Variants in ARHGAP25 observed in about 807,000 individuals in gnomAD.
ARHGAP25 encodes the protein Rho GTPase activating protein 25.
ARHGAP25 carries 34 observed loss-of-function variants against 71.0 expected under a neutral mutation model. That is an observed-to-expected ratio of 0.48 (90% CI 0.36 to 0.64). ARHGAP25 has a LOEUF of 0.64. ARHGAP25 is among the 30% of genes least tolerant of loss of function. The pLI, the probability that ARHGAP25 is intolerant of heterozygous loss-of-function variation, is 0.00. For missense variants in ARHGAP25, 706 were observed against 805.1 expected (o/e 0.88, Z 1.49); for synonymous variants, 282 against 296.5 (o/e 0.95, Z 0.50).
At chr2:68,729,249 G>A (rs887065638) in intron 2 of ARHGAP25, among the ~76,000 whole-genome samples, 2 of 152,202 alleles carry the variant, frequency 1.3e-5, no homozygotes, top group African/African-American at 2.4e-5. Flanking sequence ...TGCATGGTAT[G>A]TGAATTATGT....
upstream of ARHGAP25, among the ~76,000 whole-genome samples, chr2:68,733,349 G>A (rs1224005330): frequency 6.6e-6 from 1 of 152,202 alleles, no homozygotes; most frequent in Non-Finnish European, 1.5e-5. Flanking sequence ...TGGAGTCATA[G>A]GGGCAAAAAC....
chr2:68,750,044 T>A (rs1181428841), intron 1 of ARHGAP25, among the ~76,000 whole-genome samples: 1 of 152,200 alleles, frequency 6.6e-6, no homozygotes, highest in African/African-American at 2.4e-5. Flanking sequence ...TCTTGCTCTG[T>A]CGCCCAGTCT....
intron 2 of ARHGAP25, among the ~76,000 whole-genome samples, chr2:68,776,814 A>G (rs1677954042): frequency 1.3e-5 from 2 of 152,318 alleles, no homozygotes; most frequent in Admixed American, 1.3e-4. Context: ...TTCTGGAGCC[A>G]GAACAAAATC....
At chr2:68,797,240 C>A (rs1476496688) in intron 4 of ARHGAP25, among the ~76,000 whole-genome samples, 1 of 152,150 alleles carries the variant, frequency 6.6e-6, no homozygotes, top group Non-Finnish European at 1.5e-5. Context: ...AGTCCTTAGG[C>A]CGCTTGTGAA....
intron 4 of ARHGAP25, among the ~76,000 whole-genome samples, chr2:68,789,114 G>T (rs1678981696): frequency 6.6e-6 from 1 of 151,568 alleles, no homozygotes; most frequent in Non-Finnish European, 1.5e-5. Flanking sequence ...CTCACTGCAA[G>T]CTCCACCTCC....
Position 68,822,368 on chromosome 2 carries a change from C to T in ARHGAP25, c.1229C>T (p.Thr410Ile). Reference sequence around the variant, plus strand: ...AGCGACTCTGATACAACCAGCCCCACCGGACAGCAGCCGAGCGATGCGTTT... The same window carrying T: ...AGCGACTCTGATACAACCAGCCCCATCGGACAGCAGCCGAGCGATGCGTTT... ...MTSDSDTTSP[T>I]GQQPSDAFPE... The change falls in exon 10 of 11, where the codon ACC becomes ATC. Residue 410 changes from threonine to isoleucine, a missense_variant. Thr to Ile is a moderately conservative substitution (Grantham distance 89). Transcript: ENST00000409202. The T allele has an allele frequency of 6.2e-7, 1 of 1,614,072 alleles. No individual in the cohort carries two copies. Among genetic ancestry groups the T allele is most frequent in the East Asian group, 2.2e-5 (1 of 44,886 alleles).
At chr2:68,775,589 T>G (rs1002978458) in intron 2 of ARHGAP25, 169 bp downstream of exon 2, 3 of 1,066,756 alleles carry the variant, frequency 2.8e-6, no homozygotes, top group East Asian at 2.6e-5. Context: ...TAAACTGAGT[T>G]GCAAAGATGA....
At chr2:68,745,380 AC>A (rs988044511) in intron 1 of ARHGAP25, among the ~76,000 whole-genome samples, 10 of 152,116 alleles carry the variant, frequency 6.6e-5, no homozygotes, top group African/African-American at 2.4e-4. Context: ...CTCTGACATT[AC>A]CTCAGTGAGC....
chr2:68,727,811 G>A (rs796787685), intron 2 of ARHGAP25, among the ~76,000 whole-genome samples: 13 of 152,358 alleles, frequency 8.5e-5, no homozygotes, highest in South Asian at 2.1e-4. Flanking sequence ...GAGGGATGAC[G>A]GTGACAACCA....
chr2:68,802,703 G>T (rs953471775), intron 4 of ARHGAP25, among the ~76,000 whole-genome samples: 1 of 43,924 alleles, frequency 2.3e-5, no homozygotes, highest in African/African-American at 7.8e-5. Flanking sequence ...GGGAATAGAG[G>T]AGAAAGAGAG....
At chr2:68,789,780 G>C (rs902787884) in intron 4 of ARHGAP25, among the ~76,000 whole-genome samples, 1 of 152,042 alleles carries the variant, frequency 6.6e-6, no homozygotes, top group Non-Finnish European at 1.5e-5. Context: ...TGTGATGCTT[G>C]GCTGAGCCTT....
At chr2:68,730,380 T>C (rs771734868), upstream of ARHGAP25, among the ~76,000 whole-genome samples, 11 of 152,174 alleles carry the variant, frequency 7.2e-5, no homozygotes, top group Admixed American at 6.5e-4. Context: ...CACAGTGGCT[T>C]ATGTCTGTAA....
At chr2:68,759,900 C>G (rs1261461269) in intron 1 of ARHGAP25, among the ~76,000 whole-genome samples, 1 of 151,914 alleles carries the variant, frequency 6.6e-6, no homozygotes, top group Admixed American at 6.6e-5. Flanking sequence ...AACTGCAGAC[C>G]AATATCCCTT....
intron 5 of ARHGAP25, among the ~76,000 whole-genome samples, chr2:68,811,781 C>G (rs1002187789): frequency 2.0e-5 from 3 of 152,184 alleles, no homozygotes; most frequent in Admixed American, 2.0e-4. Context: ...CCCTTCTCCT[C>G]CTCTTGTCCA....
intron 2 of ARHGAP25, among the ~76,000 whole-genome samples, chr2:68,715,568 G>GCAC (rs1282534172): frequency 2.6e-5 from 4 of 152,100 alleles, no homozygotes; most frequent in African/African-American, 4.8e-5. Context: ...AAGAGGCATT[G>GCAC]CACCGGGTGC....
At chr2:68,724,244 C>T (rs1037549103) in intron 2 of ARHGAP25, among the ~76,000 whole-genome samples, 1 of 152,176 alleles carries the variant, frequency 6.6e-6, no homozygotes, top group Non-Finnish European at 1.5e-5. Context: ...GGGCCCCAAA[C>T]TCTCTGCACT....
chr2:68,822,325 C>A lies in ARHGAP25; in HGVS notation c.1201-15C>A. Reference sequence around the variant, plus strand: ...TGAAAACCCCATGTGACATCCATGGCCATTTCTTTTCTAGACAAGCGACTC... The same window carrying A: ...TGAAAACCCCATGTGACATCCATGGACATTTCTTTTCTAGACAAGCGACTC... On this transcript the variant is annotated splice_polypyrimidine_tract_variant and intron_variant, in intron 9 of 10. Coordinates refer to ENST00000409202, the MANE Select transcript of ARHGAP25 (RefSeq NM_001007231.3). 1 of 1,606,672 alleles carries A rather than the reference C, an allele frequency of 6.2e-7. No individual in the cohort carries two copies. The highest frequency in any genetic ancestry group is 8.5e-7 in the Non-Finnish European group (1 of 1,176,092).
intron 1 of ARHGAP25, among the ~76,000 whole-genome samples, chr2:68,742,561 C>G (rs1169766497): frequency 6.6e-6 from 1 of 152,164 alleles, no homozygotes; most frequent in Non-Finnish European, 1.5e-5. Context: ...TGATCTATGT[C>G]AAACTTTAGC....
At position 68,762,149 on chromosome 2, in the gene ARHGAP25, A is replaced by G. The variant is rs370701941; in HGVS notation, c.62-13072A>G. 2.1e-4 allele frequency among the ~76,000 whole-genome samples: 32 copies of G among 152,350 alleles called. 3 individuals carry two copies. Among genetic ancestry groups the G allele is most frequent in the Admixed American group, 1.0e-3 (16 of 15,306 alleles). ...CTGCTTCAAAAAAGACAAATGCTGT[A>G]TAATTCCACTTATGTGAGGTGCTTA... is the stretch of plus-strand genomic sequence containing the variant. On this transcript the variant is annotated intron_variant, in intron 1 of 10. Coordinates refer to ENST00000409202, the MANE Select transcript of ARHGAP25 (RefSeq NM_001007231.3).
Sources: gnomAD v4.1 joint callset for allele counts (sites outside exome capture counted in the v4.1 genomes callset) on GRCh38, gnomAD v4.1.1 for gene constraint, MANE v1.5 for transcripts, NCBI Gene and HGNC (gene_info 2026-07-23, HGNC 2026-07-21) for gene names.